TRIM59: variants seen among roughly 807,000 people sequenced by gnomAD.
TRIM59 encodes tripartite motif-containing protein 59.
A neutral mutation model predicts 32.2 loss-of-function variants in TRIM59; 14 were observed. The ratio of observed to expected loss-of-function variants is 0.43; its 90% CI spans 0.29 to 0.68. The LOEUF (loss-of-function observed/expected upper bound fraction) is 0.68. Ranked by LOEUF, TRIM59 falls within the 30% of genes least tolerant of loss-of-function variation. The pLI is 0.15. For missense variants in TRIM59, 471 were observed against 463.3 expected (o/e 1.02, Z -0.15); for synonymous variants, 163 against 155.1 (o/e 1.05, Z -0.38).
chr3:160,439,873 T>C (rs1719152668), intron 2 of TRIM59, among the ~76,000 whole-genome samples: 1 of 152,238 alleles, frequency 6.6e-6, no homozygotes, highest in African/African-American at 2.4e-5. Context: ...TAAAGTCTAC[T>C]TAGTGATTAC....
At chr3:160,441,361 T>A (rs772528491) in intron 2 of TRIM59, among the ~76,000 whole-genome samples, 89 of 152,216 alleles carry the variant, frequency 5.8e-4, no homozygotes, top group Non-Finnish European at 1.1e-3. Flanking sequence ...CAGAGACCTG[T>A]GTTAATACAG....
chr3:160,439,679 C>T lies in TRIM59; in HGVS notation c.-3-493G>A, dbSNP rs114669317. ...TCACTCATTCTCTTTTCTTGTCTGC[C>T]GCCATGTGAGACGTGCCTTTCACCT... On this transcript the variant is annotated intron_variant, in intron 2 of 2. Transcript: ENST00000309784. Among the ~76,000 whole-genome samples, 670 of 152,162 alleles carry T rather than the reference C, an allele frequency of 4.4e-3. 7 individuals are homozygous for T. The highest frequency in any genetic ancestry group is 0.015 in the African/African-American group (643 of 41,488).
intron 2 of TRIM59, among the ~76,000 whole-genome samples, chr3:160,440,390 C>T (rs891187553): frequency 6.6e-6 from 1 of 152,140 alleles, no homozygotes; most frequent in Non-Finnish European, 1.5e-5. Context: ...AGAAACGTAG[C>T]GATAGTTCAG....
chr3:160,438,605 A>G lies in TRIM59; in HGVS notation c.579T>C (p.Asn193=), dbSNP rs1327340406. 6.2e-7 allele frequency: 1 copy of G among 1,612,048 alleles called. No homozygotes were observed. The highest frequency in any genetic ancestry group is 2.2e-5 in the East Asian group (1 of 44,868). ...TTTTTTTTTTCTGTTCTAATGTATC[A>G]TTAAGCTCCTTAAAATACTGGAGAA... ...EAVLQYFKEL[N]DTLEQKKKSF... Residue 193 remains asparagine (N), a synonymous_variant, in exon 3 of 3, where the codon AAT becomes AAC. Transcript: ENST00000309784.
chr3:160,439,282 C>T lies in TRIM59; in HGVS notation c.-3-96G>A, dbSNP rs534153859. ...TAACCTCCAAATTGTTACCATACTG[C>T]TTGTCATTTAAAAGAGAACAAGGTA... On this transcript the variant is annotated intron_variant, in intron 2 of 2. Coordinates refer to ENST00000309784, the MANE Select transcript of TRIM59 (RefSeq NM_173084.3). The T allele has an allele frequency of 1.5e-4, 150 of 1,009,106 alleles. 3 individuals are homozygous for T. In the South Asian group the frequency reaches 3.0e-3, roughly 20 times the overall value. 62.5% of individuals were successfully genotyped at this position (1,009,106 alleles called of 1,614,324 possible).
At chr3:160,444,314 G>C (rs1480692297) in intron 2 of TRIM59, among the ~76,000 whole-genome samples, 4 of 152,126 alleles carry the variant, frequency 2.6e-5, no homozygotes, top group African/African-American at 7.2e-5. Flanking sequence ...TAGAGGGAAA[G>C]AATCTGTTTT....
rs1719064622 is a variant in TRIM59 at position 160,438,051 on chromosome 3, C to CT, written c.1132dup (p.Ser378LysfsTer4). The CT allele has an allele frequency of 6.2e-7, 1 of 1,603,656 alleles. No individual in the cohort carries two copies. The highest frequency in any genetic ancestry group is 8.5e-7 in the Non-Finnish European group (1 of 1,177,300). The stretch of plus-strand genomic sequence containing the variant: ...CAGTATATTCTTTACCTTATGCAGA[C>CT]TGTTAGATAAACTTTGGTAAACAGA... On this transcript the variant is annotated frameshift_variant, in exon 3 of 3. Coordinates refer to ENST00000309784, the MANE Select transcript of TRIM59 (RefSeq NM_173084.3). LOFTEE classifies it high-confidence loss of function.
chr3:160,443,535 A>G lies in TRIM59; in HGVS notation c.-3-4349T>C, dbSNP rs183003732. Among the ~76,000 whole-genome samples, 370 of 152,370 alleles carry G rather than the reference A, an allele frequency of 2.4e-3. 11 individuals are homozygous for G. The highest frequency in any genetic ancestry group is 4.4e-4 in the Non-Finnish European group (30 of 68,038). ...TCTAAAGAAGCTACTGCAGGGAGAA[A>G]AGAAAAGCAAGAATGTTCGCCAGCA... On this transcript the variant is annotated intron_variant, in intron 2 of 2. Transcript: ENST00000309784.
At chr3:160,441,876 C>T (rs1719273295) in intron 2 of TRIM59, among the ~76,000 whole-genome samples, 1 of 151,864 alleles carries the variant, frequency 6.6e-6, no homozygotes, top group Non-Finnish European at 1.5e-5. Flanking sequence ...AGCATTCCAG[C>T]AAATTAAAGT....
At position 160,438,511 on chromosome 3, in the gene TRIM59, T is replaced by A; in HGVS notation, c.673A>T (p.Met225Leu). 3.7e-6 allele frequency: 6 copies of A among 1,612,430 alleles called. No individual in the cohort carries two copies. Among genetic ancestry groups the A allele is most frequent in the Non-Finnish European group, 5.1e-6 (6 of 1,179,650 alleles). Residue 225 changes from methionine to leucine, a missense_variant, in exon 3 of 3, where the codon ATG becomes TTG. Met to Leu is a conservative substitution (Grantham distance 15). Coordinates refer to ENST00000309784, the MANE Select transcript of TRIM59 (RefSeq NM_173084.3). Reference protein sequence around the residue: ...NQEYTPQIERMKEIREQQLEL... With the variant: ...NQEYTPQIERLKEIREQQLEL... The stretch of plus-strand genomic sequence containing the variant: ...AGCTGCTGCTCTCGTATTTCCTTCA[T>A]TCTTTCAATTTGTGGAGTATATTCT...
chr3:160,449,624 G>T, intron 1 of TRIM59, 93 bp downstream of exon 1: 1 of 1,289,502 alleles, frequency 7.8e-7, no homozygotes, highest in South Asian at 1.2e-5. Context: ...AGGACTCCCC[G>T]CCCAACACAC....
rs570443312 is a variant in TRIM59 at position 160,436,018 on chromosome 3, T to C, written c.*1954A>G. On this transcript the variant is annotated 3_prime_UTR_variant, in exon 3 of 3. Transcript: ENST00000309784. Reference sequence around the variant, plus strand: ...CAGGGCACTTTTATGGTGTGACTAGTATTTTAAGTAATCAGTGCAACTTAG... The same window carrying C: ...CAGGGCACTTTTATGGTGTGACTAGCATTTTAAGTAATCAGTGCAACTTAG... The C allele has an allele frequency of 1.6e-6, 2 of 1,223,324 alleles. No individual in the cohort carries two copies. Among genetic ancestry groups the C allele is most frequent in the African/African-American group, 1.6e-5 (1 of 63,702 alleles). The allele number at this position is 1,223,324 out of a possible 1,614,324, so 75.8% of individuals were successfully genotyped here.
At chr3:160,446,169 T>A (rs747816536) in intron 2 of TRIM59, among the ~76,000 whole-genome samples, 3 of 152,008 alleles carry the variant, frequency 2.0e-5, no homozygotes, top group South Asian at 2.1e-4. Context: ...AGGTAGCCTC[T>A]AAAATGGCCC....
chr3:160,440,521 C>G (rs1560024802), intron 2 of TRIM59, among the ~76,000 whole-genome samples: 1 of 152,188 alleles, frequency 6.6e-6, no homozygotes, highest in Non-Finnish European at 1.5e-5. Context: ...TACCTACCCT[C>G]AATGCATCAG....
At position 160,448,713 on chromosome 3, in the gene TRIM59, C is replaced by T; in HGVS notation, c.-4+13G>A. On this transcript the variant is annotated intron_variant, in intron 2 of 2. Coordinates refer to ENST00000309784, the MANE Select transcript of TRIM59 (RefSeq NM_173084.3). Reference sequence around the variant, plus strand: ...TTGTTTTTCATATTTATTTAATCTCCCAGATTACCTACTTTGTTGATCTCG... The same window carrying T: ...TTGTTTTTCATATTTATTTAATCTCTCAGATTACCTACTTTGTTGATCTCG... 2 of 1,262,340 alleles carry T rather than the reference C, an allele frequency of 1.6e-6. No individual in the cohort carries two copies. The highest frequency in any genetic ancestry group is 2.5e-5 in the South Asian group (2 of 79,590). 78.2% of individuals were successfully genotyped at this position (1,262,340 alleles called of 1,614,324 possible).
At chr3:160,448,697 A>G (rs1311599357) in intron 2 of TRIM59, 29 bp downstream of exon 2, 1 of 1,217,070 alleles carries the variant, frequency 8.2e-7, no homozygotes, top group Non-Finnish European at 1.1e-6. Flanking sequence ...ATTGTTTTTC[A>G]TATTTATTTA....
intron 2 of TRIM59, among the ~76,000 whole-genome samples, chr3:160,441,645 T>C (rs1235693120): frequency 6.7e-6 from 1 of 150,046 alleles, no homozygotes; most frequent in Non-Finnish European, 1.5e-5. Context: ...TCCCAGCCAC[T>C]TGGGAGGCTA....
rs762920591 is a variant in TRIM59, at chr3:160,438,762, T to G, written c.422A>C (p.Glu141Ala). ...AAGCAGTTTTTGAGGAGTGTCCTTT[T>G]CTTTCAAATAGGCACTTTGAAGGTC... ...IDDLQSAYLK[E>A]KDTPQKLLEQ... The change falls in exon 3 of 3, where the codon GAA (glutamate) becomes GCA (alanine). Residue 141 changes from glutamate to alanine, a missense_variant. Glu to Ala is a moderately radical substitution (Grantham distance 107). Coordinates refer to ENST00000309784, the MANE Select transcript of TRIM59 (RefSeq NM_173084.3). The G allele has an allele frequency of 6.2e-7, 1 of 1,614,082 alleles. No individual in the cohort carries two copies. Among genetic ancestry groups the G allele is most frequent in the Non-Finnish European group, 8.5e-7 (1 of 1,180,002 alleles).
chr3:160,440,073 C>T (rs1239187156), intron 2 of TRIM59, among the ~76,000 whole-genome samples: 1 of 152,238 alleles, frequency 6.6e-6, no homozygotes, highest in Non-Finnish European at 1.5e-5. Context: ...AATTTCTCCA[C>T]AGTAACTGTT....
Sources: gnomAD v4.1 joint callset for allele counts (sites outside exome capture counted in the v4.1 genomes callset) on GRCh38, gnomAD v4.1.1 for gene constraint, MANE v1.5 for transcripts, NCBI Gene and HGNC (gene_info 2026-07-23, HGNC 2026-07-21) for gene names.